Variants in CADM2 observed in about 807,000 individuals in gnomAD.
CADM2 encodes immunoglobulin superfamily member 4D.
Under a neutral mutation model 49.8 loss-of-function variants are expected in CADM2, and 12 were observed. The ratio of observed to expected loss-of-function variants is 0.24; its 90% CI spans 0.15 to 0.39. CADM2 has a LOEUF of 0.39. CADM2 is among the 10% of genes least tolerant of loss of function. CADM2 has a pLI of 1.00. For synonymous variants in CADM2, 214 were observed against 175.4 expected (o/e 1.22, Z -1.74); for missense variants, 378 against 492.3 (o/e 0.77, Z 2.20).
chr3:85,974,940 A>C (rs1282223744), intron 8 of CADM2, among the ~76,000 whole-genome samples: 1 of 151,630 alleles, frequency 6.6e-6, no homozygotes, highest in East Asian at 2.0e-4. Context: ...GTGTAGGCAA[A>C]ATTATAAGAA....
intron 1 of CADM2, among the ~76,000 whole-genome samples, chr3:85,653,972 A>G (rs1202926707): frequency 7.9e-5 from 12 of 152,268 alleles, no homozygotes. Flanking sequence ...ATGATGTCAA[A>G]CATAAAATAC....
rs571096488 is a variant in CADM2, at chr3:84,996,763, C to T, written c.61+37095C>T. ...TCTTCTAAGTTAATTAGATAATTTA[C>T]AAAATCAGGATCATTAAAAATACTC... On this transcript the variant is annotated intron_variant, in intron 1 of 9. Transcript: ENST00000383699. Among the ~76,000 whole-genome samples, 30 of 152,074 alleles carry T rather than the reference C, an allele frequency of 2.0e-4. No individual in the cohort carries two copies. In the South Asian group the frequency reaches 2.1e-3, roughly 10 times the overall value.
intron 1 of CADM2, among the ~76,000 whole-genome samples, chr3:84,964,914 G>A (rs1382129188): frequency 6.6e-6 from 1 of 152,072 alleles, no homozygotes; most frequent in African/African-American, 2.4e-5. Flanking sequence ...TTGACATTTT[G>A]TAAGCTATAT....
chr3:85,470,126 T>C (rs558021005), intron 1 of CADM2, among the ~76,000 whole-genome samples: 25 of 152,314 alleles, frequency 1.6e-4, no homozygotes, highest in African/African-American at 5.8e-4. Flanking sequence ...ACTTAATAGT[T>C]TGGATTGCAG....
intron 1 of CADM2, among the ~76,000 whole-genome samples, chr3:85,573,471 G>A (rs182026015): frequency 5.1e-4 from 77 of 152,140 alleles, no homozygotes; most frequent in Non-Finnish European, 9.7e-4. Flanking sequence ...CATTATAGGG[G>A]CATTATAGGT....
intron 3 of CADM2, among the ~76,000 whole-genome samples, chr3:85,852,263 A>G (rs1327300999): frequency 6.6e-6 from 1 of 152,162 alleles, no homozygotes; most frequent in Non-Finnish European, 1.5e-5. Context: ...CCAAGTACAT[A>G]ATAGGCACTC....
At chr3:85,658,272 TA>T (rs1372389635) in intron 1 of CADM2, among the ~76,000 whole-genome samples, 3 of 151,912 alleles carry the variant, frequency 2.0e-5, no homozygotes, top group Non-Finnish European at 4.4e-5. Context: ...AAGAGATCTA[TA>T]ATCCAAGGAA....
intron 1 of CADM2, among the ~76,000 whole-genome samples, chr3:85,099,469 AT>A (rs56797775): frequency 5.0e-4 from 72 of 144,566 alleles, no homozygotes; most frequent in Middle Eastern, 7.2e-3. Flanking sequence ...CATGAATTAA[AT>A]TTTTTTTTTT....
chr3:85,192,302 A>G (rs553030085), intron 1 of CADM2, among the ~76,000 whole-genome samples: 152 of 152,184 alleles, frequency 1.0e-3, no homozygotes, highest in African/African-American at 3.6e-3. Flanking sequence ...TATTTGGTAA[A>G]CACAGCACTC....
rs115039549 is a variant in CADM2 at position 84,973,128 on chromosome 3, G to A, written c.61+13460G>A. 4.4e-3 allele frequency among the ~76,000 whole-genome samples: 674 copies of A among 152,200 alleles called. 7 individuals carry two copies. Among genetic ancestry groups the A allele is most frequent in the African/African-American group, 0.015 (637 of 41,524 alleles). On this transcript the variant is annotated intron_variant, in intron 1 of 9. Transcript: ENST00000383699. ...GCATTTCTTCATGTTGATGATGCTG[G>A]TCTCGAACTCCTGGCCTCAGGTGAT...
intron 1 of CADM2, among the ~76,000 whole-genome samples, chr3:85,391,958 T>C (rs1576470553): frequency 6.6e-6 from 1 of 152,134 alleles, no homozygotes; most frequent in Non-Finnish European, 1.5e-5. Flanking sequence ...CAGTCTCTGT[T>C]TGTACACTTG....
At chr3:85,584,716 T>G (rs1177558212) in intron 1 of CADM2, among the ~76,000 whole-genome samples, 1 of 152,092 alleles carries the variant, frequency 6.6e-6, no homozygotes, top group Non-Finnish European at 1.5e-5. Context: ...AGCACAATAT[T>G]TTTAATTTTT....
At chr3:84,988,659 A>T (rs73137679) in intron 1 of CADM2, among the ~76,000 whole-genome samples, 33 of 151,640 alleles carry the variant, frequency 2.2e-4, no homozygotes, top group Non-Finnish European at 3.5e-4. Context: ...CTATTTATTG[A>T]CTCATTGTTT....
intron 7 of CADM2, among the ~76,000 whole-genome samples, chr3:85,946,375 A>G (rs1163437024): frequency 2.0e-5 from 3 of 151,842 alleles, no homozygotes; most frequent in Non-Finnish European, 4.4e-5. Flanking sequence ...TATAGATTCA[A>G]TGCCATCCCC....
intron 1 of CADM2, among the ~76,000 whole-genome samples, chr3:85,614,336 T>C (rs1212792775): frequency 1.3e-5 from 2 of 151,658 alleles, no homozygotes; most frequent in Non-Finnish European, 3.0e-5. Flanking sequence ...CTTATTCTGA[T>C]TTTTTATAGT....
intron 1 of CADM2, among the ~76,000 whole-genome samples, chr3:85,075,562 T>A (rs2036912715): frequency 6.6e-6 from 1 of 152,314 alleles, no homozygotes; most frequent in African/African-American, 2.4e-5. Context: ...CTATTTTAAC[T>A]TGTTTGTGGG....
At chr3:85,814,612 T>G (rs2073094057) in intron 3 of CADM2, among the ~76,000 whole-genome samples, 1 of 151,910 alleles carries the variant, frequency 6.6e-6, no homozygotes, top group African/African-American at 2.4e-5. Flanking sequence ...ACAAAACAGA[T>G]AGACTGCTAG....
At chr3:85,909,474 A>C (rs1237941408) in intron 5 of CADM2, among the ~76,000 whole-genome samples, 3 of 151,712 alleles carry the variant, frequency 2.0e-5, no homozygotes, top group Non-Finnish European at 4.4e-5. Context: ...AAGAGAGAGA[A>C]AAAGAGAAAA....
chr3:85,263,434 C>T (rs72917182), intron 1 of CADM2, among the ~76,000 whole-genome samples: 10,081 of 152,182 alleles, frequency 0.066, 1,101 homozygotes, highest in African/African-American at 0.23. Flanking sequence ...CCAGGTGTTT[C>T]ACATACAATA....
Sources: gnomAD v4.1 joint callset for allele counts (sites outside exome capture counted in the v4.1 genomes callset) on GRCh38, gnomAD v4.1.1 for gene constraint, MANE v1.5 for transcripts, NCBI Gene and HGNC (gene_info 2026-07-23, HGNC 2026-07-21) for gene names.